The following IGF2BP2 variants were observed in gnomAD, a reference collection of about 807,000 sequenced individuals.
IGF2BP2 encodes the protein insulin-like growth factor 2 mRNA-binding protein 2.
Under a neutral mutation model 75.8 loss-of-function variants are expected in IGF2BP2, and 17 were observed. The observed-to-expected ratio is 0.22, with a 90% CI of 0.15 to 0.34. The LOEUF is 0.34. Among genes scored for constraint, IGF2BP2 ranks in the 10% least tolerant of loss-of-function variants. The pLI is 1.00. For synonymous variants in IGF2BP2, 288 were observed against 295.6 expected (o/e 0.97, Z 0.26); for missense variants, 516 against 772.4 (o/e 0.67, Z 3.93).
chr3:185,687,283 G>C, intron 6 of IGF2BP2, 92 bp from the exon 7 acceptor site: 1 of 1,328,492 alleles, frequency 7.5e-7, no homozygotes, highest in Non-Finnish European at 1.0e-6. Flanking sequence ...TGTACAGCAA[G>C]GACACAGACA....
At chr3:185,707,295 C>CTTTTTTTTTTTTTTT (rs1159568857) in intron 2 of IGF2BP2, among the ~76,000 whole-genome samples, 1 of 39,846 alleles carries the variant, frequency 2.5e-5, no homozygotes, top group African/African-American at 1.1e-4. Flanking sequence ...AACGAAGGGG[C>CTTTTTTTTTTTTTTT]TTTTTTTTTT....
At chr3:185,656,170 G>A (rs779717789) in intron 12 of IGF2BP2, among the ~76,000 whole-genome samples, 2 of 152,202 alleles carry the variant, frequency 1.3e-5, no homozygotes, top group African/African-American at 4.8e-5. Flanking sequence ...CCAGCCAGGG[G>A]GTCTTCCACA....
At chr3:185,665,338 GAGGAGA>G (rs1302678939) in intron 10 of IGF2BP2, among the ~76,000 whole-genome samples, 18 of 114,278 alleles carry the variant, frequency 1.6e-4, no homozygotes, top group East Asian at 5.2e-4. Flanking sequence ...GGAGGAGGAG[GAGGAGA>G]AGGAGGAGGA....
At chr3:185,712,444 T>C (rs953416727) in intron 2 of IGF2BP2, 4 of 152,204 alleles carry the variant, frequency 2.6e-5, no homozygotes, top group Non-Finnish European at 5.9e-5. Flanking sequence ...AAACATTTTA[T>C]TGTTACCAAA....
chr3:185,658,497 A>G (rs1715844511), intron 10 of IGF2BP2, 88 bp from the exon 11 acceptor site: 2 of 1,097,160 alleles, frequency 1.8e-6, no homozygotes, highest in African/African-American at 1.6e-5. Flanking sequence ...CATGCGACAC[A>G]GGCTCTCTGT....
chr3:185,766,469 G>A (rs4686388), intron 2 of IGF2BP2, among the ~76,000 whole-genome samples: 104,098 of 151,926 alleles, frequency 0.69, 36,894 homozygotes, highest in African/African-American at 0.86. Context: ...AGAATATTCC[G>A]TGACATGTGA....
chr3:185,755,880 G>A (rs1731551409), intron 2 of IGF2BP2, among the ~76,000 whole-genome samples: 1 of 152,206 alleles, frequency 6.6e-6, no homozygotes. Context: ...AGTCTCAGAT[G>A]AGATTTCGGA....
Position 185,643,645 on chromosome 3 carries a change from T to C in IGF2BP2, c.*1886A>G, listed in dbSNP as rs1713001089. On this transcript the variant is annotated 3_prime_UTR_variant, in exon 16 of 16. Transcript: ENST00000382199. ...TAGCTGTGTGGATCCAGGTCACACC[T>C]ACCGCCTGTCTGCCCAGGTCCCTCA... 6.6e-6 allele frequency: 1 copy of C among 152,434 alleles called. No individual in the cohort carries two copies. The highest frequency in any genetic ancestry group is 2.1e-4 in the South Asian group (1 of 4,824). The allele number at this position is 152,434 out of a possible 1,614,324, so 9.4% of individuals were successfully genotyped here. A position where few individuals can be genotyped will look rare whatever the true frequency, so the allele number is the denominator to read the frequency against.
At chr3:185,663,544 A>G (rs1287076744) in intron 10 of IGF2BP2, among the ~76,000 whole-genome samples, 1 of 152,152 alleles carries the variant, frequency 6.6e-6, no homozygotes, top group East Asian at 1.9e-4. Flanking sequence ...TTTTCCTGGG[A>G]GAACTGCAGG....
Position 185,687,160 on chromosome 3 carries a change from C to A in IGF2BP2, c.709G>T (p.Ala237Ser), listed in dbSNP as rs759127888. 11 of 1,612,126 alleles carry A rather than the reference C, an allele frequency of 6.8e-6. No homozygotes were observed. Among genetic ancestry groups the A allele is most frequent in the Non-Finnish European group, 9.3e-6 (11 of 1,179,592 alleles). ...VDIHRKENSG[A>S]AEKPVTIHAT... Reference sequence around the variant, plus strand: ...TGGATGGTGACAGGCTTCTCTGCAGCTCCAGAGTTCTCTTTTCTATGGATA... The same window carrying A: ...TGGATGGTGACAGGCTTCTCTGCAGATCCAGAGTTCTCTTTTCTATGGATA... The change falls in exon 7 of 16, where the codon GCT becomes TCT. Residue 237 changes from alanine to serine, a missense_variant. Physicochemically the swap from Ala to Ser is moderately conservative, Grantham distance 99 (BLOSUM62 1). Around this residue, in one of 3 missense-constraint regions of IGF2BP2, gnomAD observed 312 missense variants for 474.5 expected, o/e 0.66. Transcript: ENST00000382199.
intron 2 of IGF2BP2, among the ~76,000 whole-genome samples, chr3:185,746,704 T>G (rs760886979): frequency 6.6e-6 from 1 of 152,252 alleles, no homozygotes; most frequent in Admixed American, 6.5e-5. Context: ...TATCATATTA[T>G]GCAACCAAGA....
intron 2 of IGF2BP2, among the ~76,000 whole-genome samples, chr3:185,750,939 G>A (rs1730879535): frequency 6.6e-6 from 1 of 152,242 alleles, no homozygotes; most frequent in Non-Finnish European, 1.5e-5. Context: ...CTTCCTGGCT[G>A]GGCGTGGTGG....
chr3:185,823,556 C>A (rs1222708745), intron 1 of IGF2BP2, among the ~76,000 whole-genome samples: 3 of 152,150 alleles, frequency 2.0e-5, no homozygotes, highest in Non-Finnish European at 2.9e-5. Flanking sequence ...GCTGCTCTCC[C>A]GGCCCCCACC....
chr3:185,761,000 T>C (rs1009351836), intron 2 of IGF2BP2, among the ~76,000 whole-genome samples: 1 of 146,076 alleles, frequency 6.8e-6, no homozygotes, highest in Non-Finnish European at 1.6e-5. Flanking sequence ...TGTACTTAAA[T>C]ACTTTTTTTT....
chr3:185,822,591 C>A (rs1741503693), intron 2 of IGF2BP2, among the ~76,000 whole-genome samples: 1 of 152,208 alleles, frequency 6.6e-6, no homozygotes, highest in African/African-American at 2.4e-5. Flanking sequence ...AGAAGCTATA[C>A]TCAGTAGTCT....
chr3:185,724,651 G>C (rs1367027284), intron 2 of IGF2BP2: 1 of 152,234 alleles, frequency 6.6e-6, no homozygotes, highest in Non-Finnish European at 1.5e-5. Context: ...GCACTAGGAA[G>C]GGTTCTGTGA....
intron 2 of IGF2BP2, among the ~76,000 whole-genome samples, chr3:185,746,882 G>C (rs1730315006): frequency 1.3e-5 from 2 of 152,208 alleles, no homozygotes; most frequent in Non-Finnish European, 2.9e-5. Context: ...AGTTGTAAAA[G>C]TAGGTCTGTA....
intron 2 of IGF2BP2, among the ~76,000 whole-genome samples, chr3:185,758,139 T>C (rs1325907780): frequency 6.6e-6 from 1 of 152,210 alleles, no homozygotes; most frequent in Non-Finnish European, 1.5e-5. Context: ...CAGGAGATGA[T>C]ATAGGCAGTC....
At chr3:185,671,191 A>G (rs1718446649) in intron 10 of IGF2BP2, among the ~76,000 whole-genome samples, 2 of 152,244 alleles carry the variant, frequency 1.3e-5, no homozygotes, top group Non-Finnish European at 2.9e-5. Context: ...GCTCAGTGTC[A>G]GTCCCCTCCT....
Sources: gnomAD v4.1 joint callset for allele counts (sites outside exome capture counted in the v4.1 genomes callset) on GRCh38, gnomAD v4.1.1 for gene constraint, gnomAD v4.1.1 regional missense constraint, MANE v1.5 for transcripts, NCBI Gene and HGNC (gene_info 2026-07-23, HGNC 2026-07-21) for gene names.